ESRRG: variants seen among roughly 807,000 people sequenced by gnomAD.
The protein encoded by ESRRG is estrogen-related receptor gamma.
In ESRRG, 13 loss-of-function variants were observed where a neutral mutation model predicts 44.0. The observed-to-expected ratio is 0.30, with a 90% CI of 0.19 to 0.47. The LOEUF is 0.47. Among genes scored for constraint, ESRRG ranks in the 20% least tolerant of loss-of-function variants. ESRRG has a pLI of 1.00. For missense variants in ESRRG, 395 were observed against 580.6 expected, an observed-to-expected ratio of 0.68 and a Z score of 3.29; for synonymous variants, 215 against 214.6, an observed-to-expected ratio of 1.00 and a Z score of -0.02.
In ESRRG at chr1:216,642,321, A is replaced by G. The variant is rs78942722; in HGVS notation, c.589+8652T>C. On this transcript the variant is annotated intron_variant, in intron 3 of 6. Coordinates refer to ENST00000408911, the MANE Select transcript of ESRRG (RefSeq NM_001438.4). ...ATAGCCTAAGGTATATTCAGCTCTC[A>G]AAAATCTGTGTTATTAGTCTTACCT... Among the ~76,000 whole-genome samples, 26 of 152,232 alleles carry G rather than the reference A, an allele frequency of 1.7e-4. 1 individual carries two copies. In the East Asian group the frequency reaches 2.7e-3, roughly 16 times the overall value.
At chr1:216,838,799 G>A (rs752379982) in intron 2 of ESRRG, among the ~76,000 whole-genome samples, 1 of 152,170 alleles carries the variant, frequency 6.6e-6, no homozygotes, top group Non-Finnish European at 1.5e-5. Context: ...ATAGCATTAT[G>A]TCTAAAAAAC....
At chr1:216,727,729 C>G (rs1575819361), upstream of ESRRG, among the ~76,000 whole-genome samples, 3 of 152,198 alleles carry the variant, frequency 2.0e-5, no homozygotes, top group South Asian at 6.2e-4. Flanking sequence ...ATCGCTTCCA[C>G]AGAAGCACTA....
intron 3 of ESRRG, among the ~76,000 whole-genome samples, chr1:216,604,489 C>A (rs943921291): frequency 6.6e-6 from 1 of 152,160 alleles, no homozygotes; most frequent in African/African-American, 2.4e-5. Context: ...GAAACAGACA[C>A]AAGGATACAA....
At chr1:216,945,612 T>C (rs2065940331) in intron 1 of ESRRG, among the ~76,000 whole-genome samples, 4 of 152,218 alleles carry the variant, frequency 2.6e-5, no homozygotes, top group Admixed American at 2.6e-4. Context: ...CTCCTTTCTT[T>C]TCAGATTCAG....
At chr1:217,034,711 T>C (rs1289400084) in intron 1 of ESRRG, among the ~76,000 whole-genome samples, 1 of 152,164 alleles carries the variant, frequency 6.6e-6, no homozygotes, top group African/African-American at 2.4e-5. Flanking sequence ...TAGGGCAGCG[T>C]TGGTCCACGC....
chr1:216,706,384 T>C (rs1225759396), intron 1 of ESRRG, among the ~76,000 whole-genome samples: 2 of 152,138 alleles, frequency 1.3e-5, no homozygotes, highest in Non-Finnish European at 2.9e-5. Context: ...CCTTTGCATA[T>C]ATGGAGTGGA....
chr1:216,554,660 C>T (rs1483082047), intron 5 of ESRRG, among the ~76,000 whole-genome samples: 1 of 151,940 alleles, frequency 6.6e-6, no homozygotes, highest in Admixed American at 6.6e-5. Flanking sequence ...TTGTAAAATG[C>T]CATTAATATG....
intron 3 of ESRRG, among the ~76,000 whole-genome samples, chr1:216,599,768 A>C (rs774722275): frequency 3.9e-5 from 6 of 152,114 alleles, no homozygotes; most frequent in Admixed American, 6.5e-5. Flanking sequence ...ATAGTAATGA[A>C]ATCTGGCTCG....
rs71163765 is a variant in ESRRG at position 216,775,551 on chromosome 1, C to CTT, written c.-13-98062_-13-98061dup. 1.5e-3 allele frequency among the ~76,000 whole-genome samples: 112 copies of CTT among 74,828 alleles called. 11 individuals carry two copies. Among genetic ancestry groups the CTT allele is most frequent in the Middle Eastern group, 7.2e-3 (1 of 138 alleles). The allele number at this position is 74,828 out of a possible 152,430, so 49.1% of individuals were successfully genotyped here. The stretch of plus-strand genomic sequence containing the variant: ...TTCCCACCTAAATAAAATGTCACAT[C>CTT]TTTTTTTTTTTTTTTTTTTTTTTTT... On this transcript the variant is annotated intron_variant, in intron 2 of 7. Coordinates refer to the ESRRG transcript ENST00000359162.
intron 2 of ESRRG, among the ~76,000 whole-genome samples, chr1:216,901,634 G>GT (rs1342677934): frequency 1.3e-5 from 2 of 152,072 alleles, no homozygotes; most frequent in Non-Finnish European, 2.9e-5. Context: ...GCCTCCCAAA[G>GT]TATTGGGGTT....
intron 2 of ESRRG, among the ~76,000 whole-genome samples, chr1:216,866,114 A>G (rs1391825492): frequency 6.6e-6 from 1 of 152,240 alleles, no homozygotes; most frequent in African/African-American, 2.4e-5. Context: ...AATATTGTGA[A>G]CATGCTGTTT....
chr1:217,117,888 A>T (rs1453288082), intron 1 of ESRRG, among the ~76,000 whole-genome samples: 7 of 152,186 alleles, frequency 4.6e-5, no homozygotes, highest in Non-Finnish European at 1.0e-4. Flanking sequence ...GAGGTCAAGC[A>T]GATGATGTGT....
intron 1 of ESRRG, among the ~76,000 whole-genome samples, chr1:216,705,935 T>A (rs1261391394): frequency 6.6e-6 from 1 of 152,128 alleles, no homozygotes; most frequent in Non-Finnish European, 1.5e-5. Flanking sequence ...AGGTACATTA[T>A]CATCATCCTA....
intron 2 of ESRRG, among the ~76,000 whole-genome samples, chr1:216,899,081 T>A (rs1577864684): frequency 6.6e-6 from 1 of 152,190 alleles, no homozygotes; most frequent in Admixed American, 6.5e-5. Context: ...AGGGTGTGAC[T>A]GAATGATCAT....
chr1:216,823,942 C>G (rs1397915234), intron 2 of ESRRG, among the ~76,000 whole-genome samples: 3 of 152,162 alleles, frequency 2.0e-5, no homozygotes. Flanking sequence ...ATACCCTTCA[C>G]AAAATGGACA....
chr1:217,065,104 C>T (rs182488230), intron 1 of ESRRG, among the ~76,000 whole-genome samples: 19 of 152,294 alleles, frequency 1.2e-4, no homozygotes, highest in African/African-American at 4.6e-4. Flanking sequence ...TCAACTGCTA[C>T]TAGAAAGATA....
intron 2 of ESRRG, among the ~76,000 whole-genome samples, chr1:216,931,791 C>T (rs569256297): frequency 7.0e-6 from 1 of 143,628 alleles, no homozygotes; most frequent in East Asian, 2.0e-4. Context: ...TTCTTTCTTT[C>T]AGAGGAGAAG....
chr1:216,961,037 G>A (rs905929048), intron 1 of ESRRG, among the ~76,000 whole-genome samples: 1 of 152,142 alleles, frequency 6.6e-6, no homozygotes, highest in Non-Finnish European at 1.5e-5. Context: ...CAAAGCTACT[G>A]TAAGACAATA....
chr1:216,826,968 CA>C (rs2095408186), intron 2 of ESRRG, among the ~76,000 whole-genome samples: 1 of 152,156 alleles, frequency 6.6e-6, no homozygotes, highest in Admixed American at 6.6e-5. Context: ...ACTATATGAG[CA>C]GGGGGGTGAT....
Sources: allele counts gnomAD v4.1 joint callset (sites outside exome capture counted in the v4.1 genomes callset), GRCh38; gene constraint gnomAD v4.1.1; transcripts MANE v1.5; gene names NCBI Gene and HGNC (gene_info 2026-07-23, HGNC 2026-07-21).